Variants in TRIM3 observed in about 807,000 individuals in gnomAD.
TRIM3 encodes tripartite motif containing 3, also known as tripartite motif-containing protein 3.
A neutral mutation model predicts 66.6 loss-of-function variants in TRIM3; 13 were observed. The ratio of observed to expected loss-of-function variants is 0.20; its 90% confidence interval spans 0.13 to 0.31. The LOEUF is 0.31. Among genes scored for constraint, TRIM3 ranks in the 10% least tolerant of loss-of-function variants. The probability of loss-of-function intolerance (pLI) is 1.00; values close to 1 mark genes in which losing one functional copy is unlikely to be tolerated. For synonymous variants in TRIM3, 406 were observed against 411.7 expected (o/e 0.99, Z 0.17); for missense variants, 711 against 1,020.4 (o/e 0.70, Z 4.13).
At chr11:6,465,841 G>A in intron 1 of TRIM3, 109 bp from the exon 2 acceptor site, 1 of 946,010 alleles carries the variant, frequency 1.1e-6, no homozygotes, top group African/African-American at 1.6e-5. Flanking sequence ...TTCCCTGCTA[G>A]GGGCAAGACA....
chr11:6,465,852 G>A, intron 1 of TRIM3, 120 bp from the exon 2 acceptor site: 2 of 813,936 alleles, frequency 2.5e-6, no homozygotes, highest in Non-Finnish European at 3.9e-6. Context: ...GGGCAAGACA[G>A]GGCAGTGACT....
intron 7 of TRIM3, chr11:6,452,918 T>C (rs562065667): frequency 1.3e-5 from 2 of 152,286 alleles, no homozygotes; most frequent in South Asian, 2.1e-4. Context: ...CAGGTCACTT[T>C]TTCAGAGAAG....
Position 6,457,791 on chromosome 11 carries a change from G to T in TRIM3, c.420C>A (p.Ala140=). ...CETAMCGECR[A]GEHREHGTVL... Reference sequence around the variant, plus strand: ...CTGTGCCATGCTCACGATGCTCCCCGGCGCGGCACTCACCACACATGGCCG... The same window carrying T: ...CTGTGCCATGCTCACGATGCTCCCCTGCGCGGCACTCACCACACATGGCCG... The change falls in exon 4 of 12, where the codon GCC becomes GCA. Residue 140 remains alanine (A), a synonymous_variant. Transcript: ENST00000345851. The surrounding 1 kb of genome is among the most constrained non-coding windows in gnomAD (Gnocchi z 4.5). The T allele has an allele frequency of 6.2e-7, 1 of 1,614,176 alleles. No individual in the cohort carries two copies. Among genetic ancestry groups the T allele is most frequent in the Non-Finnish European group, 8.5e-7 (1 of 1,180,020 alleles).
Position 6,457,989 on chromosome 11 carries a change from C to T in TRIM3, c.363+76G>A. 3 of 1,538,116 alleles carry T rather than the reference C, an allele frequency of 2.0e-6. No homozygotes were observed. The highest frequency in any genetic ancestry group is 2.6e-6 in the Non-Finnish European group (3 of 1,136,796). On this transcript the variant is annotated intron_variant, in intron 3 of 11. Coordinates refer to ENST00000345851, the MANE Select transcript of TRIM3 (RefSeq NM_033278.4). This position sits in a 1 kb window ranked among gnomAD's most constrained non-coding sequence, Gnocchi z 4.5. Reference sequence around the variant, plus strand: ...CCAGAGCAGTACCCTGTCACCCAGCCACTCGGCACCCCCCAATGCCTCTCC... The same window carrying T: ...CCAGAGCAGTACCCTGTCACCCAGCTACTCGGCACCCCCCAATGCCTCTCC...
chr11:6,454,709 A>T (rs16913732), intron 7 of TRIM3, among the ~76,000 whole-genome samples: 25,537 of 151,968 alleles, frequency 0.17, 5,053 homozygotes, highest in African/African-American at 0.48. Flanking sequence ...ATAGGGTAGG[A>T]GTAAAGGACG....
intron 7 of TRIM3, chr11:6,452,675 A>G (rs1295118541): frequency 6.6e-6 from 1 of 152,274 alleles, no homozygotes; most frequent in East Asian, 1.9e-4. Flanking sequence ...GTGGCAGGAC[A>G]GCACTCATCA....
At chr11:6,455,153 G>GGACGA (rs1849909036) in intron 7 of TRIM3, among the ~76,000 whole-genome samples, 1 of 151,926 alleles carries the variant, frequency 6.6e-6, no homozygotes, top group South Asian at 2.1e-4. Flanking sequence ...GCCTCCACCT[G>GGACGA]GACGATGATA....
chr11:6,463,211 A>C (rs191061882), intron 2 of TRIM3, among the ~76,000 whole-genome samples: 46 of 152,348 alleles, frequency 3.0e-4, no homozygotes, highest in African/African-American at 1.1e-3. Context: ...TCTCAAAAAA[A>C]CAAAAACAAA....
rs1368337988 is a variant in TRIM3, at chr11:6,458,290, G to A, written c.138C>T (p.Leu46=). Reference sequence around the variant, plus strand: ...GGCTCTGGGCAGGGATATAGTTTTGGAGACATCTGTCCAGGAAGGAGAGTC... The same window carrying A: ...GGCTCTGGGCAGGGATATAGTTTTGAAGACATCTGTCCAGGAAGGAGAGTC... The part of the protein sequence containing the change: ...PCLHTFCERC[L]QNYIPAQSLT... The change falls in exon 3 of 12, where the codon CTC becomes CTT. Residue 46 remains leucine, a synonymous_variant. Coordinates refer to ENST00000345851, the MANE Select transcript of TRIM3 (RefSeq NM_033278.4). This position sits in a 1 kb window ranked among gnomAD's most constrained non-coding sequence, Gnocchi z 6.2. The A allele has an allele frequency of 6.2e-7, 1 of 1,612,674 alleles. No individual in the cohort carries two copies. The highest frequency in any genetic ancestry group is 2.2e-5 in the East Asian group (1 of 44,878).
rs1849634445 is a variant in TRIM3 at position 6,449,530 on chromosome 11, G to A, written c.1942-84C>T. On this transcript the variant is annotated intron_variant, in intron 10 of 11. Coordinates refer to ENST00000345851, the MANE Select transcript of TRIM3 (RefSeq NM_033278.4). This position sits in a 1 kb window ranked among gnomAD's most constrained non-coding sequence, Gnocchi z 5.3. ...GGAGGAGGATAGGGTGAAGCCCCAG[G>A]GCTGAGAACCCCCACCCAGATCTAC... The A allele has an allele frequency of 1.2e-5, 17 of 1,375,682 alleles. No homozygotes were observed. The highest frequency in any genetic ancestry group is 1.5e-5 in the Non-Finnish European group (15 of 1,017,496). 85.2% of individuals were successfully genotyped at this position (1,375,682 alleles called of 1,614,324 possible).
rs1564965079 is a variant in TRIM3, at chr11:6,456,198, A to G, written c.1430-23T>C. 2.5e-6 allele frequency: 4 copies of G among 1,613,100 alleles called. No individual in the cohort carries two copies. In the East Asian group the frequency reaches 8.9e-5, roughly 36 times the overall value. ...TGCCTGTGGGAAGGGACAGGAGGGAAAACAAAATAATTCATTCAGAGGTCA... is the reference window on the plus strand; with the variant it reads ...TGCCTGTGGGAAGGGACAGGAGGGAGAACAAAATAATTCATTCAGAGGTCA... On this transcript the variant is annotated intron_variant, in intron 6 of 11. Transcript: ENST00000345851. This position sits in a 1 kb window ranked among gnomAD's most constrained non-coding sequence, Gnocchi z 6.4.
intron 1 of TRIM3, among the ~76,000 whole-genome samples, chr11:6,470,459 G>A (rs1232696722): frequency 6.6e-6 from 1 of 152,260 alleles, no homozygotes; most frequent in African/African-American, 2.4e-5. Flanking sequence ...GCTGGAATGT[G>A]GTGTTATGAT....
chr11:6,468,735 G>T (rs1850566443), intron 1 of TRIM3, among the ~76,000 whole-genome samples: 1 of 152,226 alleles, frequency 6.6e-6, no homozygotes, highest in African/African-American at 2.4e-5. Context: ...TACATGGCAG[G>T]GATTTGGTCA....
rs745519689 is a variant in TRIM3, at chr11:6,449,531, G to A, written c.1942-85C>T. 22 of 1,373,340 alleles carry A rather than the reference G, an allele frequency of 1.6e-5. No individual in the cohort carries two copies. The highest frequency in any genetic ancestry group is 2.2e-5 in the Non-Finnish European group (22 of 1,012,858). 85.1% of individuals were successfully genotyped at this position (1,373,340 alleles called of 1,614,324 possible). On this transcript the variant is annotated intron_variant, in intron 10 of 11. Coordinates refer to ENST00000345851, the MANE Select transcript of TRIM3 (RefSeq NM_033278.4). The surrounding 1 kb of genome is among the most constrained non-coding windows in gnomAD (Gnocchi z 5.3). Reference sequence around the variant, plus strand: ...GAGGAGGATAGGGTGAAGCCCCAGGGCTGAGAACCCCCACCCAGATCTACA... The same window carrying A: ...GAGGAGGATAGGGTGAAGCCCCAGGACTGAGAACCCCCACCCAGATCTACA...
chr11:6,471,953 A>C (rs944693048), intron 1 of TRIM3, among the ~76,000 whole-genome samples: 1 of 152,234 alleles, frequency 6.6e-6, no homozygotes, highest in Non-Finnish European at 1.5e-5. Flanking sequence ...TAAAAGCATA[A>C]AAATAAATAT....
rs1849708302 is a variant in TRIM3, at chr11:6,451,337, T to C, written c.1635A>G (p.Gly545=). 6.2e-7 allele frequency: 1 copy of C among 1,614,190 alleles called. No homozygotes were observed. ...TGTCATAGTCTGCCACAATTATGTC[T>C]CCATTGGTGTCCACTGCCACACCTG... is the stretch of plus-strand genomic sequence containing the variant. ...RPTGVAVDTN[G]DIIVADYDNR... The change falls in exon 8 of 12, where the codon GGA becomes GGG. Residue 545 remains glycine (G), a synonymous_variant. Transcript: ENST00000345851.
At chr11:6,468,313 T>C (rs559858297) in intron 1 of TRIM3, among the ~76,000 whole-genome samples, 228 of 152,324 alleles carry the variant, frequency 1.5e-3, no homozygotes, top group African/African-American at 5.4e-3. Context: ...GTCTCTCTGA[T>C]GTCCAGGTAG....
chr11:6,465,510 ATCCTCATCCTCCCCACAGGG>A, intron 2 of TRIM3, 35 bp downstream of exon 2: 2 of 1,602,224 alleles, frequency 1.2e-6, no homozygotes, highest in Admixed American at 1.7e-5. Context: ...GGGGAGGAGG[ATCCTCATCCTCCCCACAGGG>A]TCCTCATCCC....
intron 7 of TRIM3, chr11:6,452,796 G>A (rs1321863520): frequency 6.6e-6 from 1 of 152,172 alleles, no homozygotes; most frequent in Non-Finnish European, 1.5e-5. Context: ...GAGCAGCTCA[G>A]GTTCTGGCTC....
Sources: gnomAD v4.1 joint callset for allele counts (sites outside exome capture counted in the v4.1 genomes callset) on GRCh38, gnomAD v4.1.1 for gene constraint, Gnocchi (gnomAD v3.1) non-coding constraint, MANE v1.5 for transcripts, NCBI Gene and HGNC (gene_info 2026-07-23, HGNC 2026-07-21) for gene names.